The following RIMBP2 variants were observed in gnomAD, a reference collection of about 807,000 sequenced individuals.
The protein encoded by RIMBP2 is RIMS-binding protein 2.
RIMBP2 carries 48 observed loss-of-function variants against 118.6 expected under a neutral mutation model. The ratio of observed to expected loss-of-function variants is 0.40; its 90% CI spans 0.32 to 0.51. The LOEUF (loss-of-function observed/expected upper bound fraction) is 0.51, where lower values mean the gene tolerates loss of function less well. Ranked by LOEUF, RIMBP2 falls within the 20% of genes least tolerant of loss-of-function variation. The pLI, the probability that RIMBP2 is intolerant of heterozygous loss-of-function variation, is 0.41. For synonymous variants in RIMBP2, 762 were observed against 742.9 expected (o/e 1.03, Z -0.42); for missense variants, 1,551 against 1,768.3 (o/e 0.88, Z 2.20).
chr12:130,623,478 C>A lies in RIMBP2; in HGVS notation c.-217+4844G>T. ...GAGTAATGTACACAGGTAGCATGGA[C>A]AAGTATGTTCCCTGCTGTAGTACTG... On this transcript the variant is annotated intron_variant, in intron 2 of 22. Coordinates refer to ENST00000690449, the MANE Select transcript of RIMBP2 (RefSeq NM_001393629.1). The surrounding 1 kb of genome is among the most constrained non-coding windows in gnomAD (Gnocchi z 4.1). Among the ~76,000 whole-genome samples, 1 of 151,814 alleles carries A rather than the reference C, an allele frequency of 6.6e-6. No homozygotes were observed. The highest frequency in any genetic ancestry group is 1.5e-5 in the Non-Finnish European group (1 of 67,994).
chr12:130,598,927 A>C (rs564508983), intron 2 of RIMBP2, among the ~76,000 whole-genome samples: 19 of 152,274 alleles, frequency 1.2e-4, no homozygotes, highest in African/African-American at 4.3e-4. Flanking sequence ...GCGTGGCCTC[A>C]AACTTCTGAG....
At position 130,461,258 on chromosome 12, in the gene RIMBP2, CG is replaced by C. The variant is rs570655045; in HGVS notation, c.154-4559del. On this transcript the variant is annotated intron_variant, in intron 6 of 22. Transcript: ENST00000690449. ...TTCTTGCCAACTGCTCCTTACACCT[CG>C]GGGGGTCCCGGAGTGGACTTGAGTG... Among the ~76,000 whole-genome samples, 5 of 152,146 alleles carry C rather than the reference CG, an allele frequency of 3.3e-5. No individual in the cohort carries two copies. In the South Asian group the frequency reaches 8.3e-4, roughly 25 times the overall value.
intron 2 of RIMBP2, among the ~76,000 whole-genome samples, chr12:130,625,802 A>C (rs2061585005): frequency 6.6e-6 from 1 of 152,204 alleles, no homozygotes; most frequent in Non-Finnish European, 1.5e-5. Flanking sequence ...CAAAAAAGTA[A>C]TAAGCCCTCA....
intron 5 of RIMBP2, among the ~76,000 whole-genome samples, chr12:130,474,776 G>A (rs1270784582): frequency 1.3e-5 from 2 of 152,160 alleles, no homozygotes; most frequent in East Asian, 1.9e-4. Flanking sequence ...CAGCTCAAAG[G>A]AGGCCACGAC....
intron 1 of RIMBP2, among the ~76,000 whole-genome samples, chr12:130,635,562 G>A (rs1026233771): frequency 2.6e-5 from 4 of 152,138 alleles, no homozygotes; most frequent in Non-Finnish European, 5.9e-5. Flanking sequence ...CTGACAGAAT[G>A]GCCACCACCC....
intron 2 of RIMBP2, among the ~76,000 whole-genome samples, chr12:130,598,031 A>G (rs1243223167): frequency 1.3e-5 from 2 of 152,214 alleles, no homozygotes; most frequent in Non-Finnish European, 2.9e-5. Context: ...TATTAAATGA[A>G]TTTGGCAAGG....
intron 1 of RIMBP2, among the ~76,000 whole-genome samples, chr12:130,652,729 G>T (rs771820138): frequency 2.0e-5 from 3 of 152,204 alleles, no homozygotes; most frequent in Non-Finnish European, 4.4e-5. Flanking sequence ...TCATGGTTCT[G>T]CAGGGTGTAC....
intron 2 of RIMBP2, among the ~76,000 whole-genome samples, chr12:130,548,868 T>C (rs1362733395): frequency 1.3e-5 from 2 of 152,002 alleles, no homozygotes; most frequent in East Asian, 3.9e-4. Context: ...ATTACAGGCA[T>C]GAGCCGCCGT....
intron 2 of RIMBP2, among the ~76,000 whole-genome samples, chr12:130,564,692 C>G (rs868742636): frequency 6.6e-6 from 1 of 152,120 alleles, no homozygotes; most frequent in Non-Finnish European, 1.5e-5. Flanking sequence ...TATATAAGGC[C>G]TCTAAACAGT....
intron 2 of RIMBP2, among the ~76,000 whole-genome samples, chr12:130,537,276 T>C (rs906157541): frequency 1.3e-5 from 2 of 152,252 alleles, no homozygotes; most frequent in Non-Finnish European, 2.9e-5. Flanking sequence ...GTTTTGCTTA[T>C]TGGCTTTACG....
intron 2 of RIMBP2, among the ~76,000 whole-genome samples, chr12:130,615,300 T>TATATATATATATATACAC (rs1367996306): frequency 7.1e-6 from 1 of 140,844 alleles, no homozygotes; most frequent in Non-Finnish European, 1.5e-5. Context: ...TATATATGTG[T>TATATATATATATATACAC]ACACACAAAC....
chr12:130,442,373 C>G lies in RIMBP2; in HGVS notation c.979G>C (p.Ala327Pro). 1.9e-6 allele frequency: 3 copies of G among 1,614,122 alleles called. No individual in the cohort carries two copies. The highest frequency in any genetic ancestry group is 2.5e-6 in the Non-Finnish European group (3 of 1,180,022). The change falls in exon 11 of 23, where the codon GCC becomes CCC. Residue 327 changes from alanine (A) to proline (P), a missense_variant. Physicochemically the swap from Ala to Pro is conservative, Grantham distance 27 (BLOSUM62 -1). Transcript: ENST00000690449. The surrounding 1 kb of genome is among the most constrained non-coding windows in gnomAD (Gnocchi z 6.9). ...PRKITLIKQLAKSVIVGWEPP... is the reference protein window; with the variant it reads ...PRKITLIKQLPKSVIVGWEPP... ...TCCCAGCCCACAATAACACTTTTGG[C>G]GAGTTGTTTGATGAGGGTGATTTTT... is the stretch of plus-strand genomic sequence containing the variant.
chr12:130,700,039 G>A (rs2065782981), intron 1 of RIMBP2, among the ~76,000 whole-genome samples: 1 of 151,748 alleles, frequency 6.6e-6, no homozygotes, highest in Admixed American at 6.6e-5. Context: ...TGTGTGGGTG[G>A]CTCTCAGCCC....
chr12:130,698,905 C>G (rs2065702085), intron 1 of RIMBP2, among the ~76,000 whole-genome samples: 1 of 152,000 alleles, frequency 6.6e-6, no homozygotes, highest in Non-Finnish European at 1.5e-5. Context: ...ACAACCCCAT[C>G]AAAAAGTGGG....
intron 1 of RIMBP2, among the ~76,000 whole-genome samples, chr12:130,705,803 G>A (rs2066086125): frequency 6.6e-6 from 1 of 152,264 alleles, no homozygotes; most frequent in Non-Finnish European, 1.5e-5. Flanking sequence ...GTGGCCAGGT[G>A]TGGCTGGGAC....
intron 2 of RIMBP2, among the ~76,000 whole-genome samples, chr12:130,557,217 C>T (rs1430302259): frequency 1.3e-5 from 2 of 152,056 alleles, no homozygotes; most frequent in African/African-American, 2.4e-5. Context: ...CGAGGAGTAC[C>T]AAGGGTGCTG....
rs978585008 is a variant in RIMBP2 at position 130,422,691 on chromosome 12, G to A, written c.3130-130C>T. 96 of 664,640 alleles carry A rather than the reference G, an allele frequency of 1.4e-4. 1 individual carries two copies. In the East Asian group the frequency reaches 2.6e-3, roughly 18 times the overall value. 41.2% of individuals were successfully genotyped at this position (664,640 alleles called of 1,614,324 possible). A position where few individuals can be genotyped will look rare whatever the true frequency, so the allele number is the denominator to read the frequency against. On this transcript the variant is annotated intron_variant, in intron 16 of 22. Transcript: ENST00000690449. The surrounding 1 kb of genome is among the most constrained non-coding windows in gnomAD (Gnocchi z 5.2). ...ACTAAACTTAGCTTTTAACTGAAAGGTTAGCTGAATGGCCTGGGAGAGAAC... is the reference window on the plus strand; with the variant it reads ...ACTAAACTTAGCTTTTAACTGAAAGATTAGCTGAATGGCCTGGGAGAGAAC...
At position 130,590,705 on chromosome 12, in the gene RIMBP2, G is replaced by A. The variant is rs2059201675; in HGVS notation, c.-217+37617C>T. On this transcript the variant is annotated intron_variant, in intron 2 of 22. Coordinates refer to ENST00000690449, the MANE Select transcript of RIMBP2 (RefSeq NM_001393629.1). Reference sequence around the variant, plus strand: ...TTTTGGAGCCCTCCGCTTGCCAGGAGCAACCAGACCTCCCCGCTTCTGAGG... The same window carrying A: ...TTTTGGAGCCCTCCGCTTGCCAGGAACAACCAGACCTCCCCGCTTCTGAGG... 2.0e-5 allele frequency among the ~76,000 whole-genome samples: 3 copies of A among 152,214 alleles called. No homozygotes were observed. In the East Asian group the frequency reaches 5.8e-4, roughly 29 times the overall value.
rs1227473208 is a variant in RIMBP2, at chr12:130,617,879, G to A, written c.-217+10443C>T. 1.3e-5 allele frequency among the ~76,000 whole-genome samples: 2 copies of A among 152,042 alleles called. No individual in the cohort carries two copies. Among genetic ancestry groups the A allele is most frequent in the East Asian group, 3.9e-4 (2 of 5,184 alleles). On this transcript the variant is annotated intron_variant, in intron 2 of 22. Transcript: ENST00000690449. The surrounding 1 kb of genome is among the most constrained non-coding windows in gnomAD (Gnocchi z 4.6). The stretch of plus-strand genomic sequence containing the variant: ...ATTTTCAGATTGCCAGGTCTCTTTA[G>A]AACTGGGAGATTCTTAGAAACATCT...
Sources: allele counts gnomAD v4.1 joint callset (sites outside exome capture counted in the v4.1 genomes callset), GRCh38; gene constraint gnomAD v4.1.1; non-coding constraint Gnocchi (gnomAD v3.1); transcripts MANE v1.5; gene names NCBI Gene and HGNC (gene_info 2026-07-23, HGNC 2026-07-21).